CYTH3: variants seen among roughly 807,000 people sequenced by gnomAD.
The protein encoded by CYTH3 is cytohesin-3.
A neutral mutation model predicts 55.1 loss-of-function variants in CYTH3; 23 were observed. That is an observed-to-expected ratio of 0.42 (90% CI 0.30 to 0.59). The LOEUF (loss-of-function observed/expected upper bound fraction) is 0.59, where lower values mean the gene tolerates loss of function less well. CYTH3 is among the 20% of genes least tolerant of loss of function. The probability of loss-of-function intolerance (pLI) is 0.20; values close to 1 mark genes in which losing one functional copy is unlikely to be tolerated. For missense variants in CYTH3, 413 were observed against 524.8 expected, an observed-to-expected ratio of 0.79 and a Z score of 2.08; for synonymous variants, 249 against 194.9, an observed-to-expected ratio of 1.28 and a Z score of -2.31.
rs2128536176 is a variant in CYTH3, at chr7:6,167,565, ACGTGGCAATCATGC to A, written c.824-1769_824-1756del. Among the ~76,000 whole-genome samples, 1 of 152,338 alleles carries A rather than the reference ACGTGGCAATCATGC, an allele frequency of 6.6e-6. No homozygotes were observed. Among genetic ancestry groups the A allele is most frequent in the East Asian group, 1.9e-4 (1 of 5,180 alleles). ...AGCGGCCAAAGGCATCTTTTCAAAA[ACGTGGCAATCATGC>A]CCCTCCGGCTTGAAGCCCCCCAAAG... On this transcript the variant is annotated intron_variant, in intron 9 of 12. Transcript: ENST00000350796. The surrounding 1 kb of genome is among the most constrained non-coding windows in gnomAD (Gnocchi z 5.5).
chr7:6,198,522 C>A (rs1372900327), intron 1 of CYTH3, among the ~76,000 whole-genome samples: 3 of 152,196 alleles, frequency 2.0e-5, no homozygotes, highest in Non-Finnish European at 2.9e-5. Flanking sequence ...TTATCCAGAT[C>A]TTTTCCACAG....
intron 5 of CYTH3, 140 bp from the exon 6 acceptor site, chr7:6,173,873 T>C (rs980771031): frequency 7.8e-6 from 5 of 637,866 alleles, no homozygotes; most frequent in Non-Finnish European, 1.4e-5. Context: ...CATTTGTATT[T>C]TTTGTAGAGG....
chr7:6,227,012 G>A (rs897184174), intron 1 of CYTH3, among the ~76,000 whole-genome samples: 7 of 151,676 alleles, frequency 4.6e-5, no homozygotes, highest in African/African-American at 9.7e-5. Flanking sequence ...CCCGGGAGGC[G>A]GAGCTTGCAG....
chr7:6,249,991 G>C (rs553853038), intron 1 of CYTH3, among the ~76,000 whole-genome samples: 8 of 152,108 alleles, frequency 5.3e-5, no homozygotes, highest in African/African-American at 1.9e-4. Context: ...AAGACTGTAC[G>C]CTTTGACCAA....
intron 1 of CYTH3, chr7:6,212,632 T>C (rs1784346208): frequency 6.6e-6 from 1 of 152,144 alleles, no homozygotes; most frequent in African/African-American, 2.4e-5. Context: ...ATTTTCAATT[T>C]TTTTTTAAAG....
At chr7:6,247,804 C>CA (rs1779859520) in intron 1 of CYTH3, among the ~76,000 whole-genome samples, 1 of 151,962 alleles carries the variant, frequency 6.6e-6, no homozygotes, top group South Asian at 2.1e-4. Context: ...CGTGTACCAC[C>CA]ACACCTGGCC....
At chr7:6,250,647 CAA>C (rs1332662653) in intron 1 of CYTH3, among the ~76,000 whole-genome samples, 1 of 152,142 alleles carries the variant, frequency 6.6e-6, no homozygotes, top group South Asian at 2.1e-4. Flanking sequence ...TCCATGGAAA[CAA>C]AAAGTCAATG....
intron 1 of CYTH3, among the ~76,000 whole-genome samples, chr7:6,256,149 C>T (rs1780098493): frequency 6.6e-6 from 1 of 152,198 alleles, no homozygotes; most frequent in African/African-American, 2.4e-5. Flanking sequence ...AAAATCTGTT[C>T]TTGAAATTCC....
At chr7:6,219,104 C>T (rs1784489580) in intron 1 of CYTH3, among the ~76,000 whole-genome samples, 1 of 151,074 alleles carries the variant, frequency 6.6e-6, no homozygotes, top group Admixed American at 6.6e-5. Context: ...CCTACATCTT[C>T]ATAAGCACAC....
intron 1 of CYTH3, among the ~76,000 whole-genome samples, chr7:6,196,679 T>G (rs1452813277): frequency 6.6e-6 from 1 of 152,158 alleles, no homozygotes; most frequent in African/African-American, 2.4e-5. Context: ...CAGGCTGGTC[T>G]CAAACTCCTG....
intron 5 of CYTH3, 110 bp downstream of exon 5, chr7:6,177,713 G>A (rs1465899714): frequency 1.2e-6 from 1 of 815,068 alleles, no homozygotes. Flanking sequence ...ACAGCCCGTG[G>A]CTCTATCATG....
intron 1 of CYTH3, among the ~76,000 whole-genome samples, chr7:6,247,954 T>C (rs1779863949): frequency 6.6e-6 from 1 of 151,974 alleles, no homozygotes; most frequent in African/African-American, 2.4e-5. Context: ...GGCATAAGCT[T>C]AGTGCCCAGC....
intron 5 of CYTH3, among the ~76,000 whole-genome samples, chr7:6,175,688 T>C (rs945376273): frequency 2.6e-5 from 4 of 151,646 alleles, no homozygotes; most frequent in African/African-American, 9.7e-5. Flanking sequence ...GCTGGGATTA[T>C]AGACACCTGC....
intron 1 of CYTH3, among the ~76,000 whole-genome samples, chr7:6,243,660 C>G (rs533657158): frequency 6.6e-6 from 1 of 152,310 alleles, no homozygotes; most frequent in East Asian, 1.9e-4. Context: ...TAAATTACAG[C>G]CAGCCATTCC....
At chr7:6,181,491 G>A (rs1486178660) in intron 4 of CYTH3, among the ~76,000 whole-genome samples, 1 of 151,974 alleles carries the variant, frequency 6.6e-6, no homozygotes, top group East Asian at 1.9e-4. Context: ...AGCTTGCTGT[G>A]CTCCTCATTT....
At chr7:6,223,659 C>T (rs1232825762) in intron 1 of CYTH3, among the ~76,000 whole-genome samples, 1 of 151,940 alleles carries the variant, frequency 6.6e-6, no homozygotes, top group African/African-American at 2.4e-5. Flanking sequence ...GTCATCACCA[C>T]TCCCTAATCT....
At chr7:6,236,364 CTTT>C (rs34013002) in intron 1 of CYTH3, among the ~76,000 whole-genome samples, 39 of 122,280 alleles carry the variant, frequency 3.2e-4, no homozygotes, top group East Asian at 4.6e-4. Context: ...CTACGCCTGA[CTTT>C]TTTTTTTTTT....
At chr7:6,230,994 C>T (rs1779379273) in intron 1 of CYTH3, among the ~76,000 whole-genome samples, 2 of 152,214 alleles carry the variant, frequency 1.3e-5, no homozygotes, top group African/African-American at 4.8e-5. Context: ...TCACAGACTT[C>T]CTACTGTGCC....
At chr7:6,265,479 C>A (rs1242199212) in intron 1 of CYTH3, among the ~76,000 whole-genome samples, 1 of 151,716 alleles carries the variant, frequency 6.6e-6, no homozygotes, top group African/African-American at 2.4e-5. Context: ...ATTAGCCGGG[C>A]ATGGTGGCAC....
Sources: gnomAD v4.1 joint callset for allele counts (sites outside exome capture counted in the v4.1 genomes callset) on GRCh38, gnomAD v4.1.1 for gene constraint, Gnocchi (gnomAD v3.1) non-coding constraint, MANE v1.5 for transcripts, NCBI Gene and HGNC (gene_info 2026-07-23, HGNC 2026-07-21) for gene names.